PDE4D: variants seen among roughly 807,000 people sequenced by gnomAD.
PDE4D encodes phosphodiesterase 4D.
PDE4D carries 24 observed loss-of-function variants against 87.4 expected under a neutral mutation model. The ratio of observed to expected loss-of-function variants is 0.27; its 90% confidence interval spans 0.20 to 0.39. The LOEUF is 0.39. Among genes scored for constraint, PDE4D ranks in the 10% least tolerant of loss-of-function variants. The pLI is 1.00. For synonymous variants in PDE4D, 384 were observed against 383.2 expected, an observed-to-expected ratio of 1.00 and a Z score of -0.02; for missense variants, 714 against 1,041.0, an observed-to-expected ratio of 0.69 and a Z score of 4.32.
chr5:59,750,484 A>C (rs1760279428), intron 1 of PDE4D, among the ~76,000 whole-genome samples: 1 of 152,162 alleles, frequency 6.6e-6, no homozygotes, highest in Admixed American at 6.5e-5. Context: ...CTGCTGGATA[A>C]TCATATAGCT....
At chr5:59,624,212 T>C (rs1381905258) in intron 1 of PDE4D, among the ~76,000 whole-genome samples, 1 of 152,198 alleles carries the variant, frequency 6.6e-6, no homozygotes, top group East Asian at 1.9e-4. Context: ...ATCCCCATTC[T>C]ATCCTTCAGG....
chr5:59,574,316 A>G (rs1822759295), intron 1 of PDE4D, among the ~76,000 whole-genome samples: 1 of 150,382 alleles, frequency 6.6e-6, no homozygotes, highest in African/African-American at 2.5e-5. Context: ...TTTGCCCTTC[A>G]TCAACATTCT....
intron 1 of PDE4D, among the ~76,000 whole-genome samples, chr5:60,427,666 TTTTCTTTC>T (rs922653597): frequency 6.6e-6 from 1 of 152,228 alleles, no homozygotes; most frequent in African/African-American, 2.4e-5. Flanking sequence ...AAGTAGTATG[TTTTCTTTC>T]TTAGAATTTC....
At chr5:59,877,981 A>AGAT in intron 1 of PDE4D, among the ~76,000 whole-genome samples, 1 of 152,172 alleles carries the variant, frequency 6.6e-6, no homozygotes, top group East Asian at 1.9e-4. Context: ...TTCCAGTGAT[A>AGAT]GATGGGTACA....
intron 1 of PDE4D, among the ~76,000 whole-genome samples, chr5:59,685,778 TTC>T (rs1253040412): frequency 6.6e-6 from 1 of 151,996 alleles, no homozygotes; most frequent in African/African-American, 2.4e-5. Context: ...GTGTGGGAAA[TTC>T]TGTTACCTTT....
intron 2 of PDE4D, among the ~76,000 whole-genome samples, chr5:60,028,057 C>A (rs149374312): frequency 6.6e-6 from 1 of 152,140 alleles, no homozygotes; most frequent in South Asian, 2.1e-4. Flanking sequence ...TCTCTTATTT[C>A]ACTTCTCCAT....
intron 1 of PDE4D, among the ~76,000 whole-genome samples, chr5:59,287,483 G>A (rs1425596255): frequency 6.6e-6 from 1 of 152,104 alleles, no homozygotes; most frequent in Non-Finnish European, 1.5e-5. Context: ...GGACTAGGAG[G>A]AACTAGTTGT....
chr5:58,998,660 C>T (rs745750625), intron 6 of PDE4D, among the ~76,000 whole-genome samples: 2 of 151,980 alleles, frequency 1.3e-5, no homozygotes, highest in Non-Finnish European at 2.9e-5. Context: ...ACAAAGCAAA[C>T]GACAAACACT....
chr5:60,405,517 G>C (rs1330831134), intron 1 of PDE4D, among the ~76,000 whole-genome samples: 1 of 152,188 alleles, frequency 6.6e-6, no homozygotes, highest in South Asian at 2.1e-4. Context: ...TTCCACATAG[G>C]TGGGCACCGC....
chr5:59,795,662 C>T (rs984269455), intron 1 of PDE4D, among the ~76,000 whole-genome samples: 1 of 152,180 alleles, frequency 6.6e-6, no homozygotes, highest in Non-Finnish European at 1.5e-5. Flanking sequence ...TCGGACCACA[C>T]TGTCGGCTGG....
chr5:59,102,432 A>G (rs1039250810), intron 5 of PDE4D, among the ~76,000 whole-genome samples: 1 of 152,070 alleles, frequency 6.6e-6, no homozygotes, highest in Non-Finnish European at 1.5e-5. Flanking sequence ...TTTATAATCA[A>G]TGGCACCTTG....
At chr5:59,498,837 C>A (rs372991127) in intron 1 of PDE4D, among the ~76,000 whole-genome samples, 2 of 152,094 alleles carry the variant, frequency 1.3e-5, no homozygotes, top group South Asian at 2.1e-4. Flanking sequence ...TAGTGGGGAA[C>A]TTCAGCACAC....
At chr5:59,060,270 T>C (rs1435135323) in intron 5 of PDE4D, among the ~76,000 whole-genome samples, 1 of 152,138 alleles carries the variant, frequency 6.6e-6, no homozygotes, top group Non-Finnish European at 1.5e-5. Context: ...CTGTACTGGA[T>C]AGAGGTGCCA....
At chr5:60,287,085 A>G (rs1295711709) in intron 1 of PDE4D, among the ~76,000 whole-genome samples, 1 of 152,232 alleles carries the variant, frequency 6.6e-6, no homozygotes, top group African/African-American at 2.4e-5. Flanking sequence ...ATTTCCCAGT[A>G]AAAGCAAAAT....
Position 59,253,544 on chromosome 5 carries a change from A to C in PDE4D, c.456-37576T>G, listed in dbSNP as rs149414138. Among the ~76,000 whole-genome samples, 231 of 152,264 alleles carry C rather than the reference A, an allele frequency of 1.5e-3. 3 individuals carry two copies. The highest frequency in any genetic ancestry group is 5.1e-3 in the African/African-American group (212 of 41,572). On this transcript the variant is annotated intron_variant, in intron 1 of 14. Transcript: ENST00000340635. Reference sequence around the variant, plus strand: ...CACGATGGGATATAGATGATGATTGAAGAAAATGTATGCATTTTTTTCATT... The same window carrying C: ...CACGATGGGATATAGATGATGATTGCAGAAAATGTATGCATTTTTTTCATT...
chr5:59,688,426 C>T (rs959687528), intron 1 of PDE4D, among the ~76,000 whole-genome samples: 6 of 152,096 alleles, frequency 3.9e-5, no homozygotes, highest in African/African-American at 4.8e-5. Context: ...CACTCAAAAC[C>T]GCTCAACTAC....
chr5:59,497,176 C>T (rs1034592858), intron 1 of PDE4D, among the ~76,000 whole-genome samples: 4 of 152,108 alleles, frequency 2.6e-5, no homozygotes, highest in African/African-American at 9.7e-5. Flanking sequence ...AATTTAAAAT[C>T]AACAAGCTCC....
At chr5:59,191,497 C>G (rs1744296613) in intron 3 of PDE4D, among the ~76,000 whole-genome samples, 1 of 152,046 alleles carries the variant, frequency 6.6e-6, no homozygotes, top group Non-Finnish European at 1.5e-5. Flanking sequence ...GATGATGTTA[C>G]TTACATTGTT....
At chr5:60,474,329 A>G (rs949269188) in intron 1 of PDE4D, among the ~76,000 whole-genome samples, 1 of 151,400 alleles carries the variant, frequency 6.6e-6, no homozygotes, top group Admixed American at 6.6e-5. Flanking sequence ...GGCTCCCTCA[A>G]GACTCTTTAT....
Sources: gnomAD v4.1 joint callset for allele counts (sites outside exome capture counted in the v4.1 genomes callset) on GRCh38, gnomAD v4.1.1 for gene constraint, MANE v1.5 for transcripts, NCBI Gene and HGNC (gene_info 2026-07-23, HGNC 2026-07-21) for gene names.